The following SUPT3H variants were observed in gnomAD, a reference collection of about 807,000 sequenced individuals.
SUPT3H encodes the protein transcription initiation protein SPT3 homolog.
SUPT3H carries 44 observed loss-of-function variants against 44.3 expected under a neutral mutation model. The observed-to-expected ratio is 0.99, with a 90% CI of 0.78 to 1.28. The LOEUF is 1.28. SUPT3H is among the 50% of genes most tolerant of loss of function. SUPT3H has a pLI of 0.00. For missense variants in SUPT3H, 380 were observed against 387.1 expected (o/e 0.98, Z 0.15); for synonymous variants, 124 against 125.6 (o/e 0.99, Z 0.09).
intron 2 of SUPT3H, among the ~76,000 whole-genome samples, chr6:45,299,203 A>T (rs1781759712): frequency 6.6e-6 from 1 of 151,462 alleles, no homozygotes; most frequent in Non-Finnish European, 1.5e-5. Context: ...AAAAAAAAAA[A>T]TTAGCCGGAT....
At chr6:45,146,047 G>C (rs189843876) in intron 2 of SUPT3H, among the ~76,000 whole-genome samples, 12 of 152,150 alleles carry the variant, frequency 7.9e-5, no homozygotes, top group Admixed American at 2.0e-4. Flanking sequence ...GGTATAAAGG[G>C]AACACTTTTA....
At chr6:45,067,569 C>G (rs997422075) in intron 3 of SUPT3H, among the ~76,000 whole-genome samples, 2 of 151,222 alleles carry the variant, frequency 1.3e-5, no homozygotes, top group African/African-American at 2.4e-5. Flanking sequence ...ACTCATCTGA[C>G]AAAGGGCTAA....
At chr6:45,136,759 G>A (rs1343481889) in intron 2 of SUPT3H, among the ~76,000 whole-genome samples, 1 of 151,980 alleles carries the variant, frequency 6.6e-6, no homozygotes, top group African/African-American at 2.4e-5. Context: ...AGGACAAAAT[G>A]AGTAAAAAAG....
chr6:45,059,683 A>G (rs1562360844), intron 3 of SUPT3H, among the ~76,000 whole-genome samples: 1 of 152,166 alleles, frequency 6.6e-6, no homozygotes, highest in African/African-American at 2.4e-5. Flanking sequence ...TACATCTAAA[A>G]AAGCCCATCG....
intron 3 of SUPT3H, among the ~76,000 whole-genome samples, chr6:45,054,653 G>T (rs1448944339): frequency 6.6e-6 from 1 of 152,066 alleles, no homozygotes; most frequent in African/African-American, 2.4e-5. Flanking sequence ...GCCATTGGGG[G>T]CTTTGAAAAG....
chr6:45,223,416 T>C lies in SUPT3H; in HGVS notation c.102-117410A>G, dbSNP rs944996605. Among the ~76,000 whole-genome samples, 9 of 152,114 alleles carry C rather than the reference T, an allele frequency of 5.9e-5. No homozygotes were observed. The South Asian group carries it at 1.7e-3, about 28-fold the overall frequency. On this transcript the variant is annotated intron_variant, in intron 2 of 10. Transcript: ENST00000371459. ...AATAACTAAAATGAAGAAACAGAAA[T>C]GATACCATATACTATTGTAAAAGTT...
chr6:45,347,864 A>G (rs572500616), intron 2 of SUPT3H, among the ~76,000 whole-genome samples: 106 of 152,272 alleles, frequency 7.0e-4, no homozygotes, highest in African/African-American at 2.5e-3. Context: ...AAAAAATACT[A>G]CATGCCTACT....
intron 2 of SUPT3H, among the ~76,000 whole-genome samples, chr6:45,316,603 CAT>C (rs1251039317): frequency 6.6e-6 from 1 of 152,028 alleles, no homozygotes; most frequent in Non-Finnish European, 1.5e-5. Context: ...ACAAAATTAA[CAT>C]GTGAAAATCA....
intron 10 of SUPT3H, among the ~76,000 whole-genome samples, chr6:44,905,109 G>T (rs1256662757): frequency 6.6e-6 from 1 of 151,960 alleles, no homozygotes; most frequent in Non-Finnish European, 1.5e-5. Flanking sequence ...CATAGGCATG[G>T]GCAAGGACTT....
At chr6:44,826,671 C>T (rs758991244), downstream of SUPT3H, among the ~76,000 whole-genome samples, 4 of 151,982 alleles carry the variant, frequency 2.6e-5, no homozygotes, top group Non-Finnish European at 4.4e-5. Flanking sequence ...TTGAGAACTA[C>T]GTAAAAAAAT....
intron 11 of SUPT3H, among the ~76,000 whole-genome samples, chr6:44,816,019 C>T (rs1013460218): frequency 6.6e-6 from 1 of 152,156 alleles, no homozygotes; most frequent in East Asian, 1.9e-4. Context: ...GAACTGAAAT[C>T]ATACAAAGTA....
intron 10 of SUPT3H, among the ~76,000 whole-genome samples, chr6:44,862,077 C>T (rs1269399449): frequency 2.0e-5 from 3 of 152,084 alleles, no homozygotes; most frequent in Non-Finnish European, 2.9e-5. Flanking sequence ...CCTCAGCCCC[C>T]GCCTCTCCTT....
At chr6:44,879,308 TG>T (rs1297340044) in intron 10 of SUPT3H, among the ~76,000 whole-genome samples, 1 of 152,190 alleles carries the variant, frequency 6.6e-6, no homozygotes, top group Admixed American at 6.5e-5. Context: ...CAAAGCTGCC[TG>T]GAACTTTGAA....
intron 10 of SUPT3H, among the ~76,000 whole-genome samples, chr6:44,891,688 T>G (rs1309518141): frequency 6.6e-6 from 1 of 152,104 alleles, no homozygotes; most frequent in Admixed American, 6.6e-5. Flanking sequence ...TGGTGGTGGT[T>G]GTACAACACT....
chr6:45,324,660 A>G (rs901717675), intron 2 of SUPT3H, among the ~76,000 whole-genome samples: 1 of 151,704 alleles, frequency 6.6e-6, no homozygotes, highest in Admixed American at 6.6e-5. Context: ...GGCAGGAGAG[A>G]TTGACTTAGC....
At chr6:45,305,182 C>G (rs992932619) in intron 2 of SUPT3H, among the ~76,000 whole-genome samples, 1 of 152,176 alleles carries the variant, frequency 6.6e-6, no homozygotes, top group African/African-American at 2.4e-5. Flanking sequence ...AAACGAAAAA[C>G]ATCGGCTTTT....
intron 2 of SUPT3H, among the ~76,000 whole-genome samples, chr6:45,218,080 A>C (rs990761696): frequency 4.6e-5 from 7 of 152,168 alleles, no homozygotes; most frequent in Non-Finnish European, 1.5e-5. Context: ...AAAATTGTTG[A>C]AATATACCAT....
chr6:44,833,376 A>C (rs1769218672), intron 10 of SUPT3H, among the ~76,000 whole-genome samples: 1 of 152,178 alleles, frequency 6.6e-6, no homozygotes, highest in South Asian at 2.1e-4. Flanking sequence ...GTACAACAGG[A>C]CACTAAGATA....
chr6:45,070,739 CAA>C (rs11393241), intron 3 of SUPT3H, among the ~76,000 whole-genome samples: 1 of 102,858 alleles, frequency 9.7e-6, no homozygotes, highest in South Asian at 3.4e-4. Flanking sequence ...CTGTCTCAAA[CAA>C]AAAAAAAAAA....
Sources: allele counts gnomAD v4.1 joint callset (sites outside exome capture counted in the v4.1 genomes callset), GRCh38; gene constraint gnomAD v4.1.1; transcripts MANE v1.5; gene names NCBI Gene and HGNC (gene_info 2026-07-23, HGNC 2026-07-21).